The following SRFBP1 variants were observed in gnomAD, a reference collection of about 807,000 sequenced individuals.
The protein encoded by SRFBP1 is serum response factor-binding protein 1.
A neutral mutation model predicts 45.5 loss-of-function variants in SRFBP1; 47 were observed. That is an observed-to-expected ratio of 1.03 (90% confidence interval 0.82 to 1.32). The LOEUF (loss-of-function observed/expected upper bound fraction) is 1.32. Ranked by LOEUF, SRFBP1 falls within the 40% of genes most tolerant of loss-of-function variation. The probability of loss-of-function intolerance (pLI) is 0.00; values close to 1 mark genes in which losing one functional copy is unlikely to be tolerated. For synonymous variants in SRFBP1, 203 were observed against 166.3 expected (o/e 1.22, Z -1.70); for missense variants, 621 against 484.6 (o/e 1.28, Z -2.64).
chr5:122,028,599 T>TCC lies in SRFBP1; in HGVS notation c.*1473_*1474insCC, dbSNP rs1753537625. The TCC allele has an allele frequency of 6.7e-6, 1 of 149,300 alleles. No individual in the cohort carries two copies. The highest frequency in any genetic ancestry group is 2.5e-5 in the African/African-American group (1 of 40,054). 9.2% of individuals were successfully genotyped at this position (149,300 alleles called of 1,614,324 possible). A position where few individuals can be genotyped will look rare whatever the true frequency, so the allele number is the denominator to read the frequency against. ...TCCAGCCTGGGTGACAGAGTATGAC[T>TCC]GTCTCAAAAAAAAAAAAAAATTTGA... On this transcript the variant is annotated 3_prime_UTR_variant, in exon 8 of 8. Transcript: ENST00000339397.
At chr5:122,066,523 T>G in intron 2 of SRFBP1, 1 of 467,700 alleles carries the variant, frequency 2.1e-6, no homozygotes, top group Non-Finnish European at 3.9e-6. Context: ...ATTCACAAAG[T>G]GATGTAAATA....
chr5:122,032,647 T>C (rs1014399162), downstream of SRFBP1, among the ~76,000 whole-genome samples: 1 of 152,224 alleles, frequency 6.6e-6, no homozygotes, highest in African/African-American at 2.4e-5. Context: ...ACTGGGTAAA[T>C]GTATAAGAAT....
chr5:121,994,713 C>A, intron 4 of SRFBP1, 43 bp downstream of exon 4: 1 of 1,281,858 alleles, frequency 7.8e-7, no homozygotes, highest in Non-Finnish European at 1.1e-6. Flanking sequence ...AAAAGTTTCT[C>A]ATCTATATTG....
In SRFBP1 at chr5:122,020,537, A is replaced by C. The variant is rs1054823209; in HGVS notation, c.802A>C (p.Arg268=). 1.9e-6 allele frequency: 3 copies of C among 1,614,038 alleles called. No homozygotes were observed. Among genetic ancestry groups the C allele is most frequent in the Non-Finnish European group, 2.5e-6 (3 of 1,180,008 alleles). The change falls in exon 6 of 8, where the codon AGG becomes CGG. Residue 268 remains arginine (R), a synonymous_variant. Transcript: ENST00000339397. ...ATATTTTGATGATAGCACAGAAGAAAGGTTTTACAAGCAGTCTTCCATGTC... is the reference window on the plus strand; with the variant it reads ...ATATTTTGATGATAGCACAGAAGAACGGTTTTACAAGCAGTCTTCCATGTC... ...KEYFDDSTEE[R]FYKQSSMSED...
chr5:121,969,378 A>G (rs574846948), intron 1 of SRFBP1, among the ~76,000 whole-genome samples: 1 of 152,072 alleles, frequency 6.6e-6, no homozygotes, highest in Admixed American at 6.6e-5. Flanking sequence ...TCCAGAACAG[A>G]TTAGATTTCT....
At chr5:121,974,402 T>C in intron 2 of SRFBP1, 118 bp downstream of exon 2, 1 of 691,490 alleles carries the variant, frequency 1.4e-6, no homozygotes, top group South Asian at 1.8e-5. Context: ...TTATACACCA[T>C]TTTTGTTTTG....
At chr5:121,977,022 T>C (rs1752315799) in intron 3 of SRFBP1, among the ~76,000 whole-genome samples, 1 of 152,074 alleles carries the variant, frequency 6.6e-6, no homozygotes, top group Non-Finnish European at 1.5e-5. Context: ...ATACATTTGA[T>C]TAATTAGAAA....
chr5:122,048,155 C>G (rs1171904245), intron 2 of SRFBP1, among the ~76,000 whole-genome samples: 1 of 152,066 alleles, frequency 6.6e-6, no homozygotes. Context: ...CAGTTTTTGC[C>G]CATTCAGTAT....
intron 4 of SRFBP1, among the ~76,000 whole-genome samples, chr5:122,001,958 TGTAAC>T (rs902336551): frequency 2.0e-5 from 3 of 152,212 alleles, no homozygotes; most frequent in African/African-American, 7.2e-5. Context: ...AATTTATACT[TGTAAC>T]TAACTATAAG....
At chr5:122,077,143 G>A, downstream of SRFBP1, 1 of 1,469,332 alleles carries the variant, frequency 6.8e-7, no homozygotes, top group Non-Finnish European at 9.0e-7. This position sits in a 1 kb window ranked among gnomAD's most constrained non-coding sequence, Gnocchi z 4.9. Flanking sequence ...AGAGAACTGG[G>A]GACGCCCGGG....
chr5:122,008,918 GT>G (rs1241141727), intron 4 of SRFBP1, among the ~76,000 whole-genome samples: 1 of 152,102 alleles, frequency 6.6e-6, no homozygotes, highest in Non-Finnish European at 1.5e-5. Flanking sequence ...AATAACGTGA[GT>G]TTTGGGAGCT....
intron 4 of SRFBP1, among the ~76,000 whole-genome samples, chr5:122,009,903 C>T (rs1454048976): frequency 2.0e-5 from 3 of 152,026 alleles, no homozygotes; most frequent in African/African-American, 7.2e-5. Flanking sequence ...AAGCTAGTGC[C>T]ATAGTGGAAC....
chr5:122,014,561 A>G (rs1196226871), intron 4 of SRFBP1, among the ~76,000 whole-genome samples: 2 of 148,908 alleles, frequency 1.3e-5, no homozygotes, highest in Non-Finnish European at 3.0e-5. Flanking sequence ...AAGACATTAG[A>G]AAAAAAAAAT....
intron 4 of SRFBP1, among the ~76,000 whole-genome samples, chr5:122,004,115 AG>A (rs1752933164): frequency 6.6e-6 from 1 of 152,094 alleles, no homozygotes; most frequent in South Asian, 2.1e-4. Flanking sequence ...TAGCAAGTGT[AG>A]CTGGGACTAC....
chr5:121,992,811 A>T (rs534134295), intron 3 of SRFBP1, among the ~76,000 whole-genome samples: 1 of 152,074 alleles, frequency 6.6e-6, no homozygotes, highest in Admixed American at 6.5e-5. Flanking sequence ...TATTACATGG[A>T]TTTTTTAATG....
chr5:121,997,405 G>A (rs1752752623), intron 4 of SRFBP1, among the ~76,000 whole-genome samples: 2 of 151,590 alleles, frequency 1.3e-5, no homozygotes, highest in Non-Finnish European at 1.5e-5. Flanking sequence ...AGAAAAACAA[G>A]CAATGGGGAA....
At chr5:121,994,698 T>G (rs1048481265) in intron 4 of SRFBP1, 28 bp downstream of exon 4, 1 of 1,430,260 alleles carries the variant, frequency 7.0e-7, no homozygotes, top group Non-Finnish European at 9.5e-7. Context: ...TATATTTGTC[T>G]TATGAAAAGT....
chr5:122,050,003 A>T (rs1306261458), intron 2 of SRFBP1, among the ~76,000 whole-genome samples: 1 of 152,024 alleles, frequency 6.6e-6, no homozygotes, highest in Non-Finnish European at 1.5e-5. Flanking sequence ...TTAGATAATC[A>T]CGTGGTTATT....
intron 2 of SRFBP1, among the ~76,000 whole-genome samples, chr5:122,041,151 T>C (rs1363758537): frequency 6.6e-6 from 1 of 152,118 alleles, no homozygotes; most frequent in East Asian, 1.9e-4. Context: ...ATTAGAATAA[T>C]CTAAATGAGA....
Sources: allele counts gnomAD v4.1 joint callset (sites outside exome capture counted in the v4.1 genomes callset), GRCh38; gene constraint gnomAD v4.1.1; non-coding constraint Gnocchi (gnomAD v3.1); transcripts MANE v1.5; gene names NCBI Gene and HGNC (gene_info 2026-07-23, HGNC 2026-07-21).